The following UGT1A9 variants were observed in gnomAD, a reference collection of about 807,000 sequenced individuals.
UGT1A9 encodes UDP glucuronosyltransferase family 1 member A9, also known as UDP-glucuronosyltransferase 1A9.
In UGT1A9, 35 loss-of-function variants were observed where a neutral mutation model predicts 45.0. The ratio of observed to expected loss-of-function variants is 0.78; its 90% CI spans 0.59 to 1.03. UGT1A9 has a LOEUF of 1.03. UGT1A9 is among the 50% of genes least tolerant of loss of function. The pLI is 0.00. For synonymous variants in UGT1A9, 278 were observed against 250.6 expected, an observed-to-expected ratio of 1.11 and a Z score of -1.03; for missense variants, 687 against 666.6, an observed-to-expected ratio of 1.03 and a Z score of -0.34.
intron 1 of UGT1A9, among the ~76,000 whole-genome samples, chr2:233,722,377 C>T (rs570845988): frequency 4.6e-5 from 7 of 152,274 alleles, no homozygotes; most frequent in East Asian, 3.9e-4. Context: ...TGAAATCTTA[C>T]GTTTCTTCTC....
At chr2:233,723,986 G>A (rs1415108440) in intron 1 of UGT1A9, among the ~76,000 whole-genome samples, 7 of 57,878 alleles carry the variant, frequency 1.2e-4, no homozygotes, top group African/African-American at 7.1e-4. Context: ...CACCTTTCCC[G>A]CCTTTCTATT....
intron 1 of UGT1A9, among the ~76,000 whole-genome samples, chr2:233,746,084 A>T (rs555344502): frequency 1.2e-4 from 18 of 151,976 alleles, no homozygotes; most frequent in Admixed American, 1.2e-3. Context: ...AGTCACTTCT[A>T]TACAGAAACA....
chr2:233,704,340 AG>A (rs1377589001), intron 1 of UGT1A9, among the ~76,000 whole-genome samples: 1 of 151,500 alleles, frequency 6.6e-6, no homozygotes, highest in Admixed American at 6.6e-5. Flanking sequence ...CTATTTAAAA[AG>A]TTGTGTTCTG....
intron 1 of UGT1A9, chr2:233,693,100 C>T: frequency 6.2e-7 from 1 of 1,614,118 alleles, no homozygotes; most frequent in Non-Finnish European, 8.5e-7. Flanking sequence ...TGCTGGTGGT[C>T]CCTCAGGACG....
intron 1 of UGT1A9, among the ~76,000 whole-genome samples, chr2:233,763,740 G>A (rs752841443): frequency 3.7e-4 from 57 of 152,188 alleles, no homozygotes; most frequent in Non-Finnish European, 5.6e-4. Flanking sequence ...GCATTGGCGT[G>A]TCTTTGGTGT....
chr2:233,682,355 A>T lies in UGT1A9; in HGVS notation c.855+9566A>T, dbSNP rs1273603871. 15 of 1,613,838 alleles carry T rather than the reference A, an allele frequency of 9.3e-6. No homozygotes were observed. Among genetic ancestry groups the T allele is most frequent in the South Asian group, 6.6e-5 (6 of 91,070 alleles). On this transcript the variant is annotated intron_variant, in intron 1 of 4. Coordinates refer to ENST00000354728, the MANE Select transcript of UGT1A9 (RefSeq NM_021027.3). ...AAAATTAGTAGAATACTTAAAGGAGAGTTGTTTTGATGCAGTGTTTCTCGA... is the reference window on the plus strand; with the variant it reads ...AAAATTAGTAGAATACTTAAAGGAGTGTTGTTTTGATGCAGTGTTTCTCGA...
In UGT1A9 at chr2:233,744,339, T is replaced by C. The variant is rs368123082; in HGVS notation, c.856-22695T>C. Among the ~76,000 whole-genome samples, 73 of 151,998 alleles carry C rather than the reference T, an allele frequency of 4.8e-4. No individual in the cohort carries two copies. The East Asian group carries it at 9.6e-3, about 20-fold the overall frequency. ...GTGGTGGGAGTGAGTTTAGTCTGAC[T>C]GGGGCTGAAGACATCCTGTTGTTTA... On this transcript the variant is annotated intron_variant, in intron 1 of 4. Coordinates refer to ENST00000354728, the MANE Select transcript of UGT1A9 (RefSeq NM_021027.3).
chr2:233,730,167 A>T (rs999058879), intron 1 of UGT1A9, among the ~76,000 whole-genome samples: 1 of 152,206 alleles, frequency 6.6e-6, no homozygotes, highest in African/African-American at 2.4e-5. Flanking sequence ...CTAGTAGCGT[A>T]TTTCAGGTTT....
Position 233,768,449 on chromosome 2 carries a change from A to T in UGT1A9, c.1295+10A>T, listed in dbSNP as rs757647919. 6.2e-7 allele frequency: 1 copy of T among 1,611,702 alleles called. No individual in the cohort carries two copies. The highest frequency in any genetic ancestry group is 8.5e-7 in the Non-Finnish European group (1 of 1,178,666). On this transcript the variant is annotated intron_variant, in intron 4 of 4. Coordinates refer to ENST00000354728, the MANE Select transcript of UGT1A9 (RefSeq NM_021027.3). ...TCATCAATGACAAAAGGTAAGAAAG[A>T]AGATACAGAAGAATACTTTGGTCAT...
At chr2:233,675,198 C>A (rs6720862) in intron 1 of UGT1A9, among the ~76,000 whole-genome samples, 236 of 152,174 alleles carry the variant, frequency 1.6e-3, no homozygotes, top group African/African-American at 5.6e-3. Context: ...GCAGATGGCC[C>A]CGTCTTCAAT....
intron 1 of UGT1A9, among the ~76,000 whole-genome samples, chr2:233,742,134 C>G (rs1691883024): frequency 6.6e-6 from 1 of 151,870 alleles, no homozygotes; most frequent in African/African-American, 2.4e-5. Flanking sequence ...AGACCCTAAC[C>G]CAGCAGCGCT....
intron 1 of UGT1A9, among the ~76,000 whole-genome samples, chr2:233,687,773 G>T (rs976216243): frequency 6.6e-6 from 1 of 152,010 alleles, no homozygotes; most frequent in South Asian, 2.1e-4. Context: ...GGGCCTGGTG[G>T]CATATGCCTG....
At position 233,772,516 on chromosome 2, in the gene UGT1A9, A is replaced by G. The variant is rs1559420819; in HGVS notation, c.1550A>G (p.Lys517Arg). 3 of 1,614,208 alleles carry G rather than the reference A, an allele frequency of 1.9e-6. No homozygotes were observed. Among genetic ancestry groups the G allele is most frequent in the East Asian group, 2.2e-5 (1 of 44,880 alleles). ...TATGGCTACCGGAAATGCTTGGGGAAAAAAGGGCGAGTTAAGAAAGCCCAC... is the reference window on the plus strand; with the variant it reads ...TATGGCTACCGGAAATGCTTGGGGAGAAAAGGGCGAGTTAAGAAAGCCCAC... ...CAYGYRKCLGKKGRVKKAHKS... is the reference protein window; with the variant it reads ...CAYGYRKCLGRKGRVKKAHKS... The change falls in exon 5 of 5, where the codon AAA becomes AGA. Residue 517 changes from lysine (K) to arginine (R), a missense_variant. Transcript: ENST00000354728.
intron 1 of UGT1A9, chr2:233,691,336 A>G (rs2075038677): frequency 1.0e-6 from 1 of 985,408 alleles, no homozygotes; most frequent in Admixed American, 6.1e-5. Context: ...GACTGAGCTG[A>G]GTCTTCGCAT....
chr2:233,712,495 G>T (rs372173609), intron 1 of UGT1A9, among the ~76,000 whole-genome samples: 100 of 152,324 alleles, frequency 6.6e-4, no homozygotes, highest in African/African-American at 2.3e-3. Flanking sequence ...AGCTGGCTTA[G>T]CAATGTTGTC....
chr2:233,772,426 A>C lies in UGT1A9; in HGVS notation c.1460A>C (p.Asp487Ala), dbSNP rs1300515739. The C allele has an allele frequency of 1.2e-5, 20 of 1,614,062 alleles. No individual in the cohort carries two copies. Among genetic ancestry groups the C allele is most frequent in the Non-Finnish European group, 1.7e-5 (20 of 1,180,044 alleles). Reference sequence around the variant, plus strand: ...ACCTGGTACCAGTACCATTCCTTGGACGTGATTGGTTTCCTCTTGGCCGTC... The same window carrying C: ...ACCTGGTACCAGTACCATTCCTTGGCCGTGATTGGTTTCCTCTTGGCCGTC... Reference protein sequence around the residue: ...DLTWYQYHSLDVIGFLLAVVL... With the variant: ...DLTWYQYHSLAVIGFLLAVVL... Residue 487 changes from aspartate (D) to alanine (A), a missense_variant, in exon 5 of 5, where the codon GAC becomes GCC. Coordinates refer to ENST00000354728, the MANE Select transcript of UGT1A9 (RefSeq NM_021027.3).
At chr2:233,679,943 C>T (rs944629060) in intron 1 of UGT1A9, among the ~76,000 whole-genome samples, 6 of 152,200 alleles carry the variant, frequency 3.9e-5, no homozygotes, top group Admixed American at 1.3e-4. Context: ...CAAAAAGATG[C>T]GAGGTTTGGC....
At chr2:233,688,902 G>A (rs1305603391) in intron 1 of UGT1A9, among the ~76,000 whole-genome samples, 1 of 152,140 alleles carries the variant, frequency 6.6e-6, no homozygotes, top group African/African-American at 2.4e-5. Context: ...AGAAGTTGGG[G>A]GGATGGTGTG....
intron 1 of UGT1A9, chr2:233,718,858 C>T: frequency 1.9e-6 from 3 of 1,613,692 alleles, no homozygotes; most frequent in African/African-American, 2.7e-5. Context: ...CCGCGGCTGG[C>T]CACAGGACTG....
Sources: gnomAD v4.1 joint callset for allele counts (sites outside exome capture counted in the v4.1 genomes callset) on GRCh38, gnomAD v4.1.1 for gene constraint, MANE v1.5 for transcripts, NCBI Gene and HGNC (gene_info 2026-07-23, HGNC 2026-07-21) for gene names.